ABHD12: variants seen among roughly 807,000 people sequenced by gnomAD.
ABHD12 encodes the protein lysophosphatidylserine lipase ABHD12.
ABHD12 carries 43 observed loss-of-function variants against 58.3 expected under a neutral mutation model. The observed-to-expected ratio is 0.74, with a 90% CI of 0.58 to 0.95. The LOEUF (loss-of-function observed/expected upper bound fraction) is 0.95. ABHD12 is among the 40% of genes least tolerant of loss of function. The pLI, the probability that ABHD12 is intolerant of heterozygous loss-of-function variation, is 0.00. For synonymous variants in ABHD12, 219 were observed against 211.2 expected, an observed-to-expected ratio of 1.04 and a Z score of -0.32; for missense variants, 539 against 537.2, an observed-to-expected ratio of 1.00 and a Z score of -0.03.
At chr20:25,318,597 T>C (rs547059074) in intron 4 of ABHD12, among the ~76,000 whole-genome samples, 1 of 150,796 alleles carries the variant, frequency 6.6e-6, no homozygotes, top group Non-Finnish European at 1.5e-5. Flanking sequence ...CTCTGCAGGA[T>C]TGGGAGGGGG....
At chr20:25,357,365 C>T (rs2060752014) in intron 1 of ABHD12, among the ~76,000 whole-genome samples, 1 of 152,226 alleles carries the variant, frequency 6.6e-6, no homozygotes, top group African/African-American at 2.4e-5. Context: ...TTATCTCTAA[C>T]ATGATGGACA....
chr20:25,368,813 A>G (rs1352772982), intron 1 of ABHD12: 3 of 610,148 alleles, frequency 4.9e-6, no homozygotes, highest in South Asian at 4.8e-5. Flanking sequence ...TGCAAAGCCT[A>G]CTTTCTTTTA....
chr20:25,354,135 G>A (rs1600843060), intron 1 of ABHD12, among the ~76,000 whole-genome samples: 2 of 152,210 alleles, frequency 1.3e-5, no homozygotes, highest in East Asian at 3.8e-4. Context: ...AAATTCCTAA[G>A]TGAATAAACA....
chr20:25,365,037 T>C (rs2089800692), intron 1 of ABHD12, among the ~76,000 whole-genome samples: 1 of 152,226 alleles, frequency 6.6e-6, no homozygotes, highest in Non-Finnish European at 1.5e-5. Flanking sequence ...AGGTAAGTAG[T>C]TCTCACCTAT....
chr20:25,353,088 C>G (rs2089622634), intron 1 of ABHD12, among the ~76,000 whole-genome samples: 1 of 152,150 alleles, frequency 6.6e-6, no homozygotes, highest in South Asian at 2.1e-4. Flanking sequence ...ACAGTTCTGT[C>G]ATCTAATTAT....
At chr20:25,368,856 G>A (rs1312306460) in intron 1 of ABHD12, 2 of 465,204 alleles carry the variant, frequency 4.3e-6, no homozygotes, top group East Asian at 5.2e-5. Context: ...GACAGGCGCA[G>A]TGGCTCATGC....
Position 25,368,330 on chromosome 20 carries a change from G to A in ABHD12, c.191+22183C>T, listed in dbSNP as rs977817500. ...CTTCTTGCTGGTCTTGCCATTCCTG[G>A]AACCACAGCGCTCCATGGCCTCCAC... is the stretch of plus-strand genomic sequence containing the variant. On this transcript the variant is annotated intron_variant, in intron 1 of 12. Coordinates refer to ENST00000339157, the MANE Select transcript of ABHD12 (RefSeq NM_001042472.3). The A allele has an allele frequency of 3.9e-6, 6 of 1,546,812 alleles. No homozygotes were observed. The South Asian group carries it at 6.7e-5, about 17-fold the overall frequency.
At chr20:25,334,896 C>A (rs867433343) in intron 2 of ABHD12, among the ~76,000 whole-genome samples, 2,270 of 151,136 alleles carry the variant, frequency 0.015, 32 homozygotes, top group Middle Eastern at 0.024. Flanking sequence ...TAGGCATGGG[C>A]AAGGACTTCA....
At chr20:25,377,800 C>T (rs1431360999) in intron 1 of ABHD12, among the ~76,000 whole-genome samples, 10 of 152,138 alleles carry the variant, frequency 6.6e-5, no homozygotes, top group Non-Finnish European at 1.2e-4. Flanking sequence ...CAGGTTCAAG[C>T]GATTCTCCTG....
At chr20:25,314,548 G>A (rs1471784119) in intron 6 of ABHD12, among the ~76,000 whole-genome samples, 2 of 151,900 alleles carry the variant, frequency 1.3e-5, no homozygotes, top group Non-Finnish European at 2.9e-5. Flanking sequence ...GTGTGGTGTC[G>A]CATTCCTGCA....
At chr20:25,326,159 A>G (rs184678280) in intron 2 of ABHD12, among the ~76,000 whole-genome samples, 3 of 142,306 alleles carry the variant, frequency 2.1e-5, no homozygotes, top group African/African-American at 7.7e-5. Context: ...AAGAGAGAGG[A>G]AGGAAGGAAG....
intron 1 of ABHD12, among the ~76,000 whole-genome samples, chr20:25,377,664 AC>A (rs986917599): frequency 4.6e-5 from 7 of 152,052 alleles, no homozygotes; most frequent in Non-Finnish European, 8.8e-5. Context: ...AGCCCTCATG[AC>A]CCAATCACCT....
In ABHD12 at chr20:25,390,590, C is replaced by T. The variant is rs1170149721; in HGVS notation, c.114G>A (p.Gln38=). The T allele has an allele frequency of 2.0e-6, 3 of 1,474,372 alleles. No homozygotes were observed. Among genetic ancestry groups the T allele is most frequent in the South Asian group, 2.5e-5 (2 of 78,826 alleles). 91.3% of individuals were successfully genotyped at this position (1,474,372 alleles called of 1,614,324 possible). ...CCGCCGGGCCCGTCAGGCGTAGGTTCTGCTTCAGGCGGCAGTCGGCGTCCA... is the reference window on the plus strand; with the variant it reads ...CCGCCGGGCCCGTCAGGCGTAGGTTTTGCTTCAGGCGGCAGTCGGCGTCCA... ...AALDADCRLK[Q]NLRLTGPAAA... The change falls in exon 1 of 13, where the codon CAG becomes CAA. Residue 38 remains glutamine, a synonymous_variant. Transcript: ENST00000339157.
intron 1 of ABHD12, among the ~76,000 whole-genome samples, chr20:25,371,405 C>T (rs2089898595): frequency 6.6e-6 from 1 of 152,192 alleles, no homozygotes; most frequent in Non-Finnish European, 1.5e-5. Context: ...AAAACCAAAA[C>T]ACCTGGTTAT....
intron 2 of ABHD12, among the ~76,000 whole-genome samples, chr20:25,331,296 G>A (rs2089270942): frequency 6.6e-6 from 1 of 152,260 alleles, no homozygotes; most frequent in South Asian, 2.1e-4. Flanking sequence ...CAAGAAATAT[G>A]GGACTATGTG....
In ABHD12 at chr20:25,339,270, T is replaced by C; in HGVS notation, c.273A>G (p.Lys91=). The C allele has an allele frequency of 6.2e-7, 1 of 1,614,066 alleles. No homozygotes were observed. Among genetic ancestry groups the C allele is most frequent in the Non-Finnish European group, 8.5e-7 (1 of 1,180,012 alleles). Residue 91 remains lysine, a synonymous_variant, in exon 2 of 13, where the codon AAA becomes AAG. Coordinates refer to ENST00000339157, the MANE Select transcript of ABHD12 (RefSeq NM_001042472.3). Reference sequence around the variant, plus strand: ...GTTTGGCCTGTATTCCAGGACATAGTTTGATGAGAAATGGAATGGCAATGT... The same window carrying C: ...GTTTGGCCTGTATTCCAGGACATAGCTTGATGAGAAATGGAATGGCAATGT... ...GLYIAIPFLI[K]LCPGIQAKLI... is the part of the protein sequence containing the mutation.
intron 1 of ABHD12, among the ~76,000 whole-genome samples, chr20:25,363,172 A>G (rs1439775254): frequency 6.6e-6 from 1 of 151,836 alleles, no homozygotes; most frequent in Non-Finnish European, 1.5e-5. Flanking sequence ...ACAAATATTT[A>G]TCAAGTGTTC....
At chr20:25,367,649 G>C (rs1389707553) in intron 1 of ABHD12, among the ~76,000 whole-genome samples, 1 of 152,188 alleles carries the variant, frequency 6.6e-6, no homozygotes, top group African/African-American at 2.4e-5. Flanking sequence ...AGTGCCTCAC[G>C]TAAGTGGAAT....
downstream of ABHD12, chr20:25,296,824 G>A: frequency 5.1e-6 from 2 of 394,828 alleles, no homozygotes; most frequent in Non-Finnish European, 9.2e-6. Context: ...CACCTGCTGG[G>A]CTCCCCCAGA....
Sources: allele counts gnomAD v4.1 joint callset (sites outside exome capture counted in the v4.1 genomes callset), GRCh38; gene constraint gnomAD v4.1.1; transcripts MANE v1.5; gene names NCBI Gene and HGNC (gene_info 2026-07-23, HGNC 2026-07-21).